The following VAC14 variants were observed in gnomAD, a reference collection of about 807,000 sequenced individuals.
VAC14 encodes VAC14 component of PIKFYVE complex, also known as protein VAC14 homolog.
Under a neutral mutation model 85.3 loss-of-function variants are expected in VAC14, and 47 were observed. The ratio of observed to expected loss-of-function variants is 0.55; its 90% CI spans 0.44 to 0.70. The LOEUF (loss-of-function observed/expected upper bound fraction) is 0.70, where lower values mean the gene tolerates loss of function less well. Ranked by LOEUF, VAC14 falls within the 30% of genes least tolerant of loss-of-function variation. The pLI is 0.00. For synonymous variants in VAC14, 447 were observed against 430.5 expected, an observed-to-expected ratio of 1.04 and a Z score of -0.47; for missense variants, 861 against 1,004.3, an observed-to-expected ratio of 0.86 and a Z score of 1.93.
rs538719879 is a variant in VAC14, at chr16:70,799,053, T to A, written c.104+1744A>T. Among the ~76,000 whole-genome samples, 4 of 152,078 alleles carry A rather than the reference T, an allele frequency of 2.6e-5. No homozygotes were observed. In the South Asian group the frequency reaches 8.3e-4, roughly 32 times the overall value. On this transcript the variant is annotated intron_variant, in intron 1 of 18. Coordinates refer to ENST00000261776, the MANE Select transcript of VAC14 (RefSeq NM_018052.5). ...AACCCTTACAGAACTGTGTGCAGAG[T>A]GAGAACAGATACACAGGTTGCGCTG...
rs772971983 is a variant in VAC14, at chr16:70,707,801, CT to C, written c.1662-8991del. 7.6e-3 allele frequency among the ~76,000 whole-genome samples: 1,090 copies of C among 144,130 alleles called. 3 individuals are homozygous for C. The highest frequency in any genetic ancestry group is 0.011 in the Non-Finnish European group (720 of 65,206). The allele number at this position is 144,130 out of a possible 152,430, so 94.6% of individuals were successfully genotyped here. ...CCATCGGGCTGGCTTGGCCTTTTTT[CT>C]TTTTTTTTTTTTCAAGATGGAGTCT... On this transcript the variant is annotated intron_variant, in intron 14 of 18. Transcript: ENST00000261776.
At chr16:70,763,906 T>C (rs565280395) in intron 10 of VAC14, among the ~76,000 whole-genome samples, 1 of 152,288 alleles carries the variant, frequency 6.6e-6, no homozygotes, top group East Asian at 1.9e-4. Flanking sequence ...GGGGGCAGCA[T>C]GGGTAGAAAA....
chr16:70,742,267 C>T (rs2030398199), intron 13 of VAC14, among the ~76,000 whole-genome samples: 1 of 152,182 alleles, frequency 6.6e-6, no homozygotes, highest in Admixed American at 6.5e-5. Context: ...CCCAGGCCTC[C>T]TCCCTGCAGG....
chr16:70,795,033 T>G (rs918193806), intron 1 of VAC14, among the ~76,000 whole-genome samples: 4 of 152,246 alleles, frequency 2.6e-5, no homozygotes, highest in Non-Finnish European at 5.9e-5. Flanking sequence ...AGCAGTCACA[T>G]GCTGTGCAGG....
At chr16:70,749,714 TG>T (rs1220623272) in intron 12 of VAC14, among the ~76,000 whole-genome samples, 1 of 152,180 alleles carries the variant, frequency 6.6e-6, no homozygotes, top group African/African-American at 2.4e-5. Context: ...AGGTGGGGCC[TG>T]GGGTGTGGGG....
At chr16:70,689,348 C>T in intron 18 of VAC14, 1 of 985,424 alleles carries the variant, frequency 1.0e-6, no homozygotes, top group Non-Finnish European at 1.2e-6. Context: ...GGCCCAGCAG[C>T]TTGAGGGTGG....
chr16:70,712,415 G>T (rs2054054326), intron 14 of VAC14, among the ~76,000 whole-genome samples: 1 of 152,308 alleles, frequency 6.6e-6, no homozygotes, highest in East Asian at 1.9e-4. Context: ...ACAGAGAAAG[G>T]CGGGTGGACA....
Position 70,768,351 on chromosome 16 carries a change from T to C in VAC14, c.1160+3758A>G, listed in dbSNP as rs56186883. 745 of 157,898 alleles carry C rather than the reference T, an allele frequency of 4.7e-3. 3 individuals are homozygous for C. Among genetic ancestry groups the C allele is most frequent in the Non-Finnish European group, 6.6e-3 (472 of 71,132 alleles). The allele number at this position is 157,898 out of a possible 1,614,324, so 9.8% of individuals were successfully genotyped here. A position where few individuals can be genotyped will look rare whatever the true frequency, so the allele number is the denominator to read the frequency against. On this transcript the variant is annotated intron_variant, in intron 10 of 18. Coordinates refer to ENST00000261776, the MANE Select transcript of VAC14 (RefSeq NM_018052.5). ...TAGGGCATGAATCCAGGCAGTTGGC[T>C]CCACCAGGCAGAGCAGTCACGAGAG...
Position 70,801,087 on chromosome 16 carries a change from G to A in VAC14, c.-187C>T. 1 of 457,366 alleles carries A rather than the reference G, an allele frequency of 2.2e-6. No homozygotes were observed. Among genetic ancestry groups the A allele is most frequent in the Non-Finnish European group, 3.8e-6 (1 of 262,036 alleles). 28.3% of individuals were successfully genotyped at this position (457,366 alleles called of 1,614,324 possible). A position where few individuals can be genotyped will look rare whatever the true frequency, so the allele number is the denominator to read the frequency against. ...GCCCGGACCCCGCTCCAGCACACCT[G>A]ACCCTGGCCGCTTAACAACTCCCGC... On this transcript the variant is annotated 5_prime_UTR_variant, in exon 1 of 19. Coordinates refer to ENST00000261776, the MANE Select transcript of VAC14 (RefSeq NM_018052.5).
chr16:70,781,016 C>T, intron 8 of VAC14, 77 bp from the exon 9 acceptor site: 1 of 1,582,148 alleles, frequency 6.3e-7, no homozygotes, highest in Non-Finnish European at 8.6e-7. Flanking sequence ...ATGTGATTCC[C>T]AGTGTTGGAG....
At chr16:70,799,898 G>T (rs2034694957) in intron 1 of VAC14, among the ~76,000 whole-genome samples, 1 of 152,238 alleles carries the variant, frequency 6.6e-6, no homozygotes, top group South Asian at 2.1e-4. Flanking sequence ...TAGTGTGACT[G>T]AGAAACTAAA....
chr16:70,714,575 T>G (rs1305108372), intron 14 of VAC14: 1 of 152,132 alleles, frequency 6.6e-6, no homozygotes, highest in Non-Finnish European at 1.5e-5. Context: ...CTGACTCTTC[T>G]CAGGAAAAAT....
In VAC14 at chr16:70,692,872, A is replaced by G; in HGVS notation, c.2135T>C (p.Leu712Pro). 6.2e-7 allele frequency: 1 copy of G among 1,606,654 alleles called. No individual in the cohort carries two copies. Among genetic ancestry groups the G allele is most frequent in the East Asian group, 2.2e-5 (1 of 44,644 alleles). Residue 712 changes from leucine to proline, a missense_variant, in exon 18 of 19, where the codon CTG (leucine) becomes CCG (proline). By Grantham distance (98) the Leu-to-Pro change is moderately conservative. This residue lies in a region of VAC14 where 163 missense variants were observed against 162.2 expected (regional missense o/e 1.00). Transcript: ENST00000261776. ...CACGCACTGGAGCCGGTGCGAGAGC[A>G]GCTGGAAGGCGCTGCTCTGCGGCAG... ...MLLPQSSAFQLLSHRLQCVPN... is the reference protein window; with the variant it reads ...MLLPQSSAFQPLSHRLQCVPN...
chr16:70,704,729 C>T (rs946637366), intron 14 of VAC14, among the ~76,000 whole-genome samples: 4 of 152,190 alleles, frequency 2.6e-5, no homozygotes, highest in Admixed American at 2.0e-4. Flanking sequence ...TAGGGACAGC[C>T]GGAGCCCGCT....
intron 18 of VAC14, chr16:70,691,859 T>C (rs1176079391): frequency 2.0e-6 from 2 of 985,282 alleles, no homozygotes; most frequent in African/African-American, 3.5e-5. Flanking sequence ...CGGGCAGGCC[T>C]GTCTCAAGGC....
Position 70,780,664 on chromosome 16 carries a change from C to T in VAC14, c.1096+126G>A. 4.0e-6 allele frequency: 5 copies of T among 1,258,042 alleles called. No individual in the cohort carries two copies. In the East Asian group the frequency reaches 7.1e-5, roughly 18 times the overall value. 77.9% of individuals were successfully genotyped at this position (1,258,042 alleles called of 1,614,324 possible). A position where few individuals can be genotyped will look rare whatever the true frequency, so the allele number is the denominator to read the frequency against. On this transcript the variant is annotated intron_variant, in intron 9 of 18. Coordinates refer to ENST00000261776, the MANE Select transcript of VAC14 (RefSeq NM_018052.5). ...CTGCCACTGCGCTGGGTTGCTGCTA[C>T]AATTGTGTGAGTGACATACATAAAG...
intron 13 of VAC14, among the ~76,000 whole-genome samples, chr16:70,738,490 T>A (rs1227976222): frequency 1.3e-5 from 2 of 152,058 alleles, no homozygotes; most frequent in Non-Finnish European, 2.9e-5. Context: ...AGAGGTCATA[T>A]AGCAGTCTGC....
intron 7 of VAC14, 63 bp downstream of exon 7, chr16:70,782,970 T>C (rs2143256012): frequency 2.1e-6 from 3 of 1,458,408 alleles, no homozygotes; most frequent in East Asian, 4.5e-5. Context: ...AAGGGGCTTC[T>C]GCAGAGGTGG....
Position 70,762,611 on chromosome 16 carries a change from G to C in VAC14, c.1306-6C>G. On this transcript the variant is annotated splice_polypyrimidine_tract_variant and splice_region_variant and intron_variant, in intron 11 of 18. Coordinates refer to ENST00000261776, the MANE Select transcript of VAC14 (RefSeq NM_018052.5). This position sits in a 1 kb window ranked among gnomAD's most constrained non-coding sequence, Gnocchi z 4.1. ...CTGTCCGTGTGCCGGAACATCTGGA[G>C]GGCAGAGAAGCAGGGGTGCCCGTGA... 1 of 1,613,988 alleles carries C rather than the reference G, an allele frequency of 6.2e-7. No individual in the cohort carries two copies. Among genetic ancestry groups the C allele is most frequent in the Non-Finnish European group, 8.5e-7 (1 of 1,179,934 alleles).
Sources: allele counts gnomAD v4.1 joint callset (sites outside exome capture counted in the v4.1 genomes callset), GRCh38; gene constraint gnomAD v4.1.1; regional missense constraint gnomAD v4.1.1; non-coding constraint Gnocchi (gnomAD v3.1); transcripts MANE v1.5; gene names NCBI Gene and HGNC (gene_info 2026-07-23, HGNC 2026-07-21).